The following TPO variants were observed in gnomAD, a reference collection of about 807,000 sequenced individuals.
TPO encodes the protein thyroid microsomal antigen.
In TPO, 78 loss-of-function variants were observed where a neutral mutation model predicts 96.9. The observed-to-expected ratio is 0.81, with a 90% CI of 0.67 to 0.97. The LOEUF (loss-of-function observed/expected upper bound fraction) is 0.97. TPO is among the 50% of genes least tolerant of loss of function. The probability of loss-of-function intolerance (pLI) is 0.00; values close to 1 mark genes in which losing one functional copy is unlikely to be tolerated. For missense variants in TPO, 1,252 were observed against 1,274.8 expected, an observed-to-expected ratio of 0.98 and a Z score of 0.27; for synonymous variants, 547 against 538.0, an observed-to-expected ratio of 1.02 and a Z score of -0.23.
chr2:1,481,981 G>C (rs376930093), intron 8 of TPO, among the ~76,000 whole-genome samples: 1 of 152,192 alleles, frequency 6.6e-6, no homozygotes, highest in Admixed American at 6.5e-5. Context: ...GCTGTGTCAC[G>C]TCCTTGGGGA....
At chr2:1,471,679 C>A (rs1385444392) in intron 7 of TPO, among the ~76,000 whole-genome samples, 1 of 152,160 alleles carries the variant, frequency 6.6e-6, no homozygotes, top group African/African-American at 2.4e-5. Flanking sequence ...CCCCTGCCCC[C>A]AAACCAATCA....
At chr2:1,458,815 T>C (rs938971599) in intron 7 of TPO, among the ~76,000 whole-genome samples, 21 of 152,212 alleles carry the variant, frequency 1.4e-4, no homozygotes, top group Admixed American at 1.0e-3. Context: ...AACTTAGTAT[T>C]CCATTTGTGT....
At chr2:1,477,813 C>T in intron 8 of TPO, 4 of 985,460 alleles carry the variant, frequency 4.1e-6, no homozygotes, top group African/African-American at 1.7e-5. Flanking sequence ...TCATCGTGAG[C>T]TCCTGTGCAG....
intron 15 of TPO, among the ~76,000 whole-genome samples, chr2:1,526,609 A>AC: frequency 1.4e-5 from 1 of 72,944 alleles, no homozygotes; most frequent in East Asian, 4.4e-4. Context: ...AAATCCCCCC[A>AC]ACTCTGTGCA....
chr2:1,537,479 T>TATGTGTGCCACCTCCCCAAATCCCC (rs1680052585), intron 15 of TPO, among the ~76,000 whole-genome samples: 5 of 33,206 alleles, frequency 1.5e-4, no homozygotes, highest in African/African-American at 4.6e-4. Context: ...CTCAAATTCT[T>TATGTGTGCCACCTCCCCAAATCCCC]CCACTCTGTG....
intron 5 of TPO, among the ~76,000 whole-genome samples, chr2:1,452,844 G>A (rs1667428532): frequency 6.6e-6 from 1 of 152,118 alleles, no homozygotes; most frequent in African/African-American, 2.4e-5. Context: ...ACTGTTAATT[G>A]TGCCTACACC....
chr2:1,513,238 C>T (rs1054082045), intron 14 of TPO, among the ~76,000 whole-genome samples: 1 of 152,238 alleles, frequency 6.6e-6, no homozygotes, highest in Non-Finnish European at 1.5e-5. Flanking sequence ...GAAGGGTGGA[C>T]ACAGACAGCA....
chr2:1,395,570 A>G (rs1662066981), intron 1 of TPO, among the ~76,000 whole-genome samples: 1 of 152,190 alleles, frequency 6.6e-6, no homozygotes, highest in African/African-American at 2.4e-5. Context: ...ATATCTCTCC[A>G]TGTGAAGTGG....
chr2:1,414,022 A>G (rs1192624925), intron 1 of TPO, among the ~76,000 whole-genome samples: 6 of 152,196 alleles, frequency 3.9e-5, no homozygotes, highest in Admixed American at 1.3e-4. Context: ...AATAGTACTC[A>G]CTTTTTGCCA....
At chr2:1,452,043 A>G (rs1667350359) in intron 5 of TPO, among the ~76,000 whole-genome samples, 1 of 152,166 alleles carries the variant, frequency 6.6e-6, no homozygotes, top group African/African-American at 2.4e-5. Flanking sequence ...ATATAGTCTT[A>G]CCATGCATTT....
rs543157304 is a variant in TPO, at chr2:1,469,896, G to A, written c.820-7190G>A. 1.2e-4 allele frequency among the ~76,000 whole-genome samples: 19 copies of A among 152,206 alleles called. No individual in the cohort carries two copies. The South Asian group carries it at 2.1e-3, about 17-fold the overall frequency. ...TTGGCTTTCCTAATGTATTCCTGCC[G>A]TCGTTCTGGAGCAAAAGTTCACGAC... On this transcript the variant is annotated intron_variant, in intron 7 of 16. Coordinates refer to ENST00000329066, the MANE Select transcript of TPO (RefSeq NM_001206744.2).
At chr2:1,493,719 C>T in intron 10 of TPO, 83 bp from the exon 11 acceptor site, 2 of 1,530,230 alleles carry the variant, frequency 1.3e-6, no homozygotes, top group Non-Finnish European at 1.8e-6. Context: ...CGCTTCCAGT[C>T]TCGGGGACCA....
chr2:1,392,298 G>A (rs539383773), intron 1 of TPO, among the ~76,000 whole-genome samples: 8 of 152,286 alleles, frequency 5.3e-5, no homozygotes, highest in South Asian at 4.1e-4. Context: ...TTACGTGATG[G>A]ATTATGTTCA....
chr2:1,542,250 G>A, intron 16 of TPO, 171 bp from the exon 17 acceptor site: 1 of 904,794 alleles, frequency 1.1e-6, no homozygotes, highest in Non-Finnish European at 1.7e-6. Flanking sequence ...CATTTGTCCG[G>A]AAGCCAGAAA....
chr2:1,538,591 G>A (rs1680352152), intron 15 of TPO, among the ~76,000 whole-genome samples: 1 of 152,188 alleles, frequency 6.6e-6, no homozygotes, highest in Non-Finnish European at 1.5e-5. Context: ...CTATTATGCA[G>A]CAAATTCATA....
intron 8 of TPO, 55 bp downstream of exon 8, chr2:1,477,659 C>T (rs1670111012): frequency 2.1e-6 from 3 of 1,434,862 alleles, no homozygotes; most frequent in South Asian, 2.9e-5. Context: ...CGGGGGGCGC[C>T]TCGTGTGGGT....
chr2:1,530,502 ACCTCCCC>A (rs1677849781), intron 15 of TPO, among the ~76,000 whole-genome samples: 3 of 105,298 alleles, frequency 2.8e-5, no homozygotes, highest in Non-Finnish European at 5.6e-5. Flanking sequence ...ACTCTGTGCA[ACCTCCCC>A]AAATCTCCCC....
intron 3 of TPO, among the ~76,000 whole-genome samples, chr2:1,432,671 T>G (rs372430332): frequency 0.03 from 673 of 22,668 alleles, 9 homozygotes; most frequent in South Asian, 0.045. Flanking sequence ...GCAGGTGGGG[T>G]GAGGCCTGCA....
Position 1,496,005 on chromosome 2 carries a change from A to C in TPO, c.2023A>C (p.Ser675Arg). The change falls in exon 12 of 17, where the codon AGC (serine) becomes CGC (arginine). Residue 675 changes from serine to arginine, a missense_variant. By Grantham distance (110) the Ser-to-Arg change is moderately radical. Transcript: ENST00000329066. The stretch of plus-strand genomic sequence containing the variant: ...TCTCTGGAGGTTTTGGTGGGAGAAC[A>C]GCCACGTCTTCACGGATGCACAGAG... ...RDGDWFWWEN[S>R]HVFTDAQRRE... The C allele has an allele frequency of 6.2e-7, 1 of 1,612,860 alleles. No individual in the cohort carries two copies.
Sources: allele counts gnomAD v4.1 joint callset (sites outside exome capture counted in the v4.1 genomes callset), GRCh38; gene constraint gnomAD v4.1.1; transcripts MANE v1.5; gene names NCBI Gene and HGNC (gene_info 2026-07-23, HGNC 2026-07-21).